Variants in AGAP2 observed in about 807,000 individuals in gnomAD.
The protein encoded by AGAP2 is arf-GAP with GTPase, ANK repeat and PH domain-containing protein 2.
In AGAP2, 32 loss-of-function variants were observed where a neutral mutation model predicts 110.9. That is an observed-to-expected ratio of 0.29 (90% confidence interval 0.22 to 0.39). The LOEUF is 0.39. AGAP2 is among the 10% of genes least tolerant of loss of function. The pLI, the probability that AGAP2 is intolerant of heterozygous loss-of-function variation, is 1.00. For missense variants in AGAP2, 1,285 were observed against 1,638.5 expected, an observed-to-expected ratio of 0.78 and a Z score of 3.72; for synonymous variants, 702 against 713.0, an observed-to-expected ratio of 0.98 and a Z score of 0.25.
At chr12:57,732,105 A>G in intron 7 of AGAP2, 138 bp from the exon 8 acceptor site, 1 of 1,052,376 alleles carries the variant, frequency 9.5e-7, no homozygotes. Context: ...TAATTTTTAA[A>G]ATCCTCACTA....
At chr12:57,732,664 C>T in intron 6 of AGAP2, 152 bp from the exon 7 acceptor site, 1 of 1,351,578 alleles carries the variant, frequency 7.4e-7, no homozygotes, top group Non-Finnish European at 1.0e-6. Flanking sequence ...GCCAGCTCCT[C>T]CAGCCCAGAA....
chr12:57,739,426 C>A (rs1278679024), upstream of AGAP2, among the ~76,000 whole-genome samples: 1 of 152,110 alleles, frequency 6.6e-6, no homozygotes, highest in Non-Finnish European at 1.5e-5. Context: ...GCTCGACTGT[C>A]CCAAAGTGAA....
chr12:57,741,602 G>T (rs1955077188), upstream of AGAP2, among the ~76,000 whole-genome samples: 1 of 152,124 alleles, frequency 6.6e-6, no homozygotes, highest in South Asian at 2.1e-4. Flanking sequence ...GACTCCCCAG[G>T]CAGGGAACAA....
intron 6 of AGAP2, 137 bp downstream of exon 6, chr12:57,732,708 C>A: frequency 6.8e-7 from 1 of 1,471,312 alleles, no homozygotes; most frequent in Non-Finnish European, 9.2e-7. Flanking sequence ...CCTTCTCTGG[C>A]CTCCCTGATC....
Position 57,729,529 on chromosome 12 carries a change from T to C in AGAP2, c.2557+110A>G, listed in dbSNP as rs1954843359. 7.5e-6 allele frequency: 11 copies of C among 1,470,680 alleles called. No individual in the cohort carries two copies. The South Asian group carries it at 1.3e-4, about 18-fold the overall frequency. The allele number at this position is 1,470,680 out of a possible 1,614,324, so 91.1% of individuals were successfully genotyped here. Reference sequence around the variant, plus strand: ...AAGTTGTGTGCAGTGGTAATGGTAGTCAAGCACTCAGCTCAGGCACTTTTC... The same window carrying C: ...AAGTTGTGTGCAGTGGTAATGGTAGCCAAGCACTCAGCTCAGGCACTTTTC... On this transcript the variant is annotated intron_variant, in intron 13 of 18. Transcript: ENST00000547588.
Position 57,727,566 on chromosome 12 carries a change from G to T in AGAP2, c.2874C>A (p.Ser958Arg). 1 of 1,607,208 alleles carries T rather than the reference G, an allele frequency of 6.2e-7. No homozygotes were observed. Among genetic ancestry groups the T allele is most frequent in the Non-Finnish European group, 8.5e-7 (1 of 1,178,468 alleles). The change falls in exon 17 of 19, where the codon AGC becomes AGA. Residue 958 changes from serine (S) to arginine (R), a missense_variant. Physicochemically the swap from Ser to Arg is moderately radical, Grantham distance 110. Around this residue, in one of 7 missense-constraint regions of AGAP2, gnomAD observed 39 missense variants for 45.8 expected, o/e 0.85. Transcript: ENST00000547588. ...TGCAGATGAGGGCGCCCAGGTTCAAGCTGGCCCACGTGGGGTCTGCGGAAG... is the reference window on the plus strand; with the variant it reads ...TGCAGATGAGGGCGCCCAGGTTCAATCTGGCCCACGTGGGGTCTGCGGAAG... Reference protein sequence around the residue: ...DCGAPNPTWASLNLGALICIE... With the variant: ...DCGAPNPTWARLNLGALICIE...
Position 57,734,584 on chromosome 12 carries a change from G to A in AGAP2, c.1315+8C>T, listed in dbSNP as rs779135116. ...ATGGTTAGCTTACTATGGCTCTTCA[G>A]AACTCACTCTCTGTCTTCTCCAGCA... On this transcript the variant is annotated splice_region_variant and intron_variant, in intron 3 of 18. Coordinates refer to ENST00000547588, the MANE Select transcript of AGAP2 (RefSeq NM_001122772.3). 2 of 1,613,942 alleles carry A rather than the reference G, an allele frequency of 1.2e-6. No homozygotes were observed. The highest frequency in any genetic ancestry group is 4.5e-5 in the East Asian group (2 of 44,896).
chr12:57,731,668 G>A, intron 8 of AGAP2, 26 bp from the exon 9 acceptor site: 1 of 1,613,836 alleles, frequency 6.2e-7, no homozygotes. Context: ...GAATCAGTTT[G>A]AGGATGGATA....
In AGAP2 at chr12:57,728,418, G is replaced by A. The variant is rs781441624; in HGVS notation, c.2558-41C>T. ...GAAGGAGATAGAGATAGAATGGAGA[G>A]CAGAACAGAGAAAGAGAGACCAAGA... On this transcript the variant is annotated intron_variant, in intron 13 of 18. Transcript: ENST00000547588. 8.1e-6 allele frequency: 13 copies of A among 1,597,568 alleles called. No homozygotes were observed. The East Asian group carries it at 2.9e-4, about 36-fold the overall frequency.
chr12:57,742,109 C>CTGGCCCTGAGGCCCA, upstream of AGAP2: 5 of 1,603,926 alleles, frequency 3.1e-6, no homozygotes, highest in Non-Finnish European at 4.3e-6. Flanking sequence ...ACAACCACCT[C>CTGGCCCTGAGGCCCA]TGGCCCTGAG....
chr12:57,734,852 T>A (rs1482824601), intron 2 of AGAP2, among the ~76,000 whole-genome samples, 173 bp from the exon 3 acceptor site: 1 of 151,856 alleles, frequency 6.6e-6, no homozygotes, highest in Admixed American at 6.6e-5. Context: ...GCTGGGGGGA[T>A]CAGAGCAGTT....
rs767864448 is a variant in AGAP2 at position 57,731,469 on chromosome 12, C to T, written c.2042G>A (p.Ser681Asn). ...GSGRAIPIKQ[S>N]FLLKRSGNSL... ...ATTGCCACTTCGTTTTAGTAGGAAG[C>T]TCTGGAGAAAGGGGAAAGACACATG... is the stretch of plus-strand genomic sequence containing the variant. Residue 681 changes from serine to asparagine, a missense_variant and splice_region_variant, in exon 10 of 19, where the codon AGC becomes AAC. Physicochemically the swap from Ser to Asn is conservative, Grantham distance 46. Around this residue, in one of 7 missense-constraint regions of AGAP2, gnomAD observed 24 missense variants for 69.5 expected, o/e 0.35. Transcript: ENST00000547588. The T allele has an allele frequency of 1.2e-5, 19 of 1,613,992 alleles. No individual in the cohort carries two copies. The highest frequency in any genetic ancestry group is 1.5e-5 in the Non-Finnish European group (18 of 1,180,006).
In AGAP2 at chr12:57,737,935, G is replaced by T. The variant is rs1183729256; in HGVS notation, c.312C>A (p.Val104=). The change falls in exon 1 of 19, where the codon GTC becomes GTA. Residue 104 remains valine, a synonymous_variant. Coordinates refer to ENST00000547588, the MANE Select transcript of AGAP2 (RefSeq NM_001122772.3). The surrounding 1 kb of genome is among the most constrained non-coding windows in gnomAD (Gnocchi z 5.9). The part of the protein sequence containing the change: ...SPAPASPARP[V]SPAPGRRLSL... ...AGAGGCGGCGGCCGGGAGCGGGGGA[G>T]ACTGGGCGGGCCGGACTGGCCGGAG... 3 of 1,392,424 alleles carry T rather than the reference G, an allele frequency of 2.2e-6. No individual in the cohort carries two copies. Among genetic ancestry groups the T allele is most frequent in the African/African-American group, 1.5e-5 (1 of 64,962 alleles). The allele number at this position is 1,392,424 out of a possible 1,614,324, so 86.3% of individuals were successfully genotyped here. A position where few individuals can be genotyped will look rare whatever the true frequency, so the allele number is the denominator to read the frequency against.
chr12:57,730,234 A>G (rs1398904191), intron 12 of AGAP2: 2 of 496,124 alleles, frequency 4.0e-6, no homozygotes, highest in Non-Finnish European at 3.6e-6. Flanking sequence ...TCCATGTTAC[A>G]GATGAGGAAA....
Position 57,726,676 on chromosome 12 carries a change from C to T in AGAP2, c.3455G>A (p.Gly1152Asp). The T allele has an allele frequency of 1.6e-6, 2 of 1,221,880 alleles. No homozygotes were observed. The highest frequency in any genetic ancestry group is 2.0e-6 in the Non-Finnish European group (2 of 980,624). 75.7% of individuals were successfully genotyped at this position (1,221,880 alleles called of 1,614,324 possible). A position where few individuals can be genotyped will look rare whatever the true frequency, so the allele number is the denominator to read the frequency against. The change falls in exon 19 of 19, where the codon GGC becomes GAC. Residue 1152 changes from glycine (G) to aspartate (D), a missense_variant. By Grantham distance (94) the Gly-to-Asp change is moderately conservative (BLOSUM62 -1). Around this residue, in one of 7 missense-constraint regions of AGAP2, gnomAD observed 201 missense variants for 276.1 expected, o/e 0.73. Transcript: ENST00000547588. The surrounding 1 kb of genome is among the most constrained non-coding windows in gnomAD (Gnocchi z 5.7). ...ILLQHGCPGE[G>D]GSAATTPSAA... Reference sequence around the variant, plus strand: ...GCTGGGCGTGGTGGCCGCGCTGCCGCCCTCACCCGGGCAGCCGTGCTGGAG... The same window carrying T: ...GCTGGGCGTGGTGGCCGCGCTGCCGTCCTCACCCGGGCAGCCGTGCTGGAG...
chr12:57,737,942 C>T lies in AGAP2; in HGVS notation c.305G>A (p.Arg102His). Residue 102 changes from arginine to histidine, a missense_variant, in exon 1 of 19, where the codon CGC becomes CAC. By Grantham distance (29) the Arg-to-His change is conservative. Coordinates refer to ENST00000547588, the MANE Select transcript of AGAP2 (RefSeq NM_001122772.3). This position sits in a 1 kb window ranked among gnomAD's most constrained non-coding sequence, Gnocchi z 5.9. ...ALSPAPASPA[R>H]PVSPAPGRRL... is the part of the protein sequence containing the mutation. ...GCGGCCGGGAGCGGGGGAGACTGGG[C>T]GGGCCGGACTGGCCGGAGCCGGGGA... is the stretch of plus-strand genomic sequence containing the variant. 1 of 1,392,906 alleles carries T rather than the reference C, an allele frequency of 7.2e-7. No individual in the cohort carries two copies. 86.3% of individuals were successfully genotyped at this position (1,392,906 alleles called of 1,614,324 possible). A position where few individuals can be genotyped will look rare whatever the true frequency, so the allele number is the denominator to read the frequency against.
chr12:57,730,586 G>T lies in AGAP2; in HGVS notation c.2337C>A (p.Ser779Arg). ...LEATTPMPSP[S>R]PSPSSLQPPP... Reference sequence around the variant, plus strand: ...GTGGCTGCAGGGAACTGGGGCTGGGGCTAGGGCTTGGCATGGGAGTAGTGG... The same window carrying T: ...GTGGCTGCAGGGAACTGGGGCTGGGTCTAGGGCTTGGCATGGGAGTAGTGG... The change falls in exon 12 of 19, where the codon AGC (serine) becomes AGA (arginine). Residue 779 changes from serine (S) to arginine (R), a missense_variant. By Grantham distance (110) the Ser-to-Arg change is moderately radical. Coordinates refer to ENST00000547588, the MANE Select transcript of AGAP2 (RefSeq NM_001122772.3). 6.2e-7 allele frequency: 1 copy of T among 1,614,148 alleles called. No homozygotes were observed. Among genetic ancestry groups the T allele is most frequent in the Non-Finnish European group, 8.5e-7 (1 of 1,180,020 alleles).
chr12:57,731,635 C>T lies in AGAP2; in HGVS notation c.1961G>A (p.Arg654Gln), dbSNP rs1191934855. The T allele has an allele frequency of 2.5e-6, 4 of 1,613,938 alleles. No homozygotes were observed. The highest frequency in any genetic ancestry group is 1.3e-5 in the African/African-American group (1 of 74,866). Residue 654 changes from arginine (R) to glutamine (Q), a missense_variant, in exon 9 of 19, where the codon CGG becomes CAG. Physicochemically the swap from Arg to Gln is conservative, Grantham distance 43. Coordinates refer to ENST00000547588, the MANE Select transcript of AGAP2 (RefSeq NM_001122772.3). ...KRRTSLFANR[R>Q]GSDSEKRSLD... ...GCTTCGTTTCTCGGAGTCACTACCC[C>T]GACGATTCTGGAATGGTTATTGGAA...
Position 57,738,240 on chromosome 12 carries a change from G to T in AGAP2, c.7C>A (p.Arg3=), listed in dbSNP as rs1955029333. ...CGGCGCTGAAGCGCGCCCGCGCCCC[G>T]GCTCATGGGGCCCGGAGACCCCCGA... The part of the protein sequence containing the change: MS[R]GAGALQRRTT... The change falls in exon 1 of 19, where the codon CGG becomes AGG. Residue 3 remains arginine, a synonymous_variant. Coordinates refer to ENST00000547588, the MANE Select transcript of AGAP2 (RefSeq NM_001122772.3). This position sits in a 1 kb window ranked among gnomAD's most constrained non-coding sequence, Gnocchi z 6.7. The T allele has an allele frequency of 6.6e-7, 1 of 1,513,754 alleles. No homozygotes were observed. The highest frequency in any genetic ancestry group is 1.4e-5 in the African/African-American group (1 of 69,766). The allele number at this position is 1,513,754 out of a possible 1,614,324, so 93.8% of individuals were successfully genotyped here.
Sources: allele counts gnomAD v4.1 joint callset (sites outside exome capture counted in the v4.1 genomes callset), GRCh38; gene constraint gnomAD v4.1.1; regional missense constraint gnomAD v4.1.1; non-coding constraint Gnocchi (gnomAD v3.1); transcripts MANE v1.5; gene names NCBI Gene and HGNC (gene_info 2026-07-23, HGNC 2026-07-21).